Variants in LARGE2 observed in about 807,000 individuals in gnomAD.
The protein encoded by LARGE2 is xylosyl- and glucuronyltransferase LARGE2.
LARGE2 carries 63 observed loss-of-function variants against 75.3 expected under a neutral mutation model. The ratio of observed to expected loss-of-function variants is 0.84; its 90% CI spans 0.68 to 1.03. The LOEUF (loss-of-function observed/expected upper bound fraction) is 1.03, where lower values mean the gene tolerates loss of function less well. Among genes scored for constraint, LARGE2 ranks in the 50% least tolerant of loss-of-function variants. The pLI is 0.00. For missense variants in LARGE2, 925 were observed against 980.6 expected (o/e 0.94, Z 0.76); for synonymous variants, 428 against 420.1 (o/e 1.02, Z -0.23).
chr11:45,924,830 TG>T lies in LARGE2; in HGVS notation c.713del (p.Gly238AlafsTer21). On this transcript the variant is annotated frameshift_variant, in exon 6 of 14. Coordinates refer to ENST00000401752, the MANE Select transcript of LARGE2 (RefSeq NM_001300721.2). LOFTEE classifies it high-confidence loss of function. ...GTGGAGAACCAGAGTGACTGGTACC[TG>T]GGCAACCTCTGGAAGAACCACAGGC... is the stretch of plus-strand genomic sequence containing the variant. ...GLVENQSDWY[L>X]GNLWKNHRPW... is the part of the protein sequence containing the mutation. 6.6e-7 allele frequency: 1 copy of T among 1,512,972 alleles called. No individual in the cohort carries two copies. Among genetic ancestry groups the T allele is most frequent in the South Asian group, 1.3e-5 (1 of 76,478 alleles). The allele number at this position is 1,512,972 out of a possible 1,614,324, so 93.7% of individuals were successfully genotyped here. A position where few individuals can be genotyped will look rare whatever the true frequency, so the allele number is the denominator to read the frequency against.
chr11:45,922,866 C>T lies in LARGE2; in HGVS notation c.-17C>T. 2 of 1,252,602 alleles carry T rather than the reference C, an allele frequency of 1.6e-6. No individual in the cohort carries two copies. The highest frequency in any genetic ancestry group is 6.5e-5 in the South Asian group (2 of 30,576). The allele number at this position is 1,252,602 out of a possible 1,614,324, so 77.6% of individuals were successfully genotyped here. The stretch of plus-strand genomic sequence containing the variant: ...GCCCCGGGTCGCGTCCCTCCCTGAG[C>T]GCCCCCGTCGGCGGCCATGCTGCCC... On this transcript the variant is annotated 5_prime_UTR_variant, in exon 2 of 14. Transcript: ENST00000401752.
chr11:45,927,526 C>T lies in LARGE2; in HGVS notation c.1537C>T (p.Leu513Phe). Reference sequence around the variant, plus strand: ...TCGCAACGTGGCCTTGGCCCAGGCCCTCACGCCTTACGTCTTCCTCAGTGA... The same window carrying T: ...TCGCAACGTGGCCTTGGCCCAGGCCTTCACGCCTTACGTCTTCCTCAGTGA... ...QLRNVALAQA[L>F]TPYVFLSDID... The change falls in exon 11 of 14, where the codon CTC becomes TTC. Residue 513 changes from leucine to phenylalanine, a missense_variant. Transcript: ENST00000401752. 3 of 1,614,192 alleles carry T rather than the reference C, an allele frequency of 1.9e-6. No homozygotes were observed. Among genetic ancestry groups the T allele is most frequent in the Non-Finnish European group, 2.5e-6 (3 of 1,180,036 alleles).
At chr11:45,928,136 T>G in intron 12 of LARGE2, 41 bp from the exon 13 acceptor site, 1 of 1,612,926 alleles carries the variant, frequency 6.2e-7, no homozygotes, top group Non-Finnish European at 8.5e-7. Flanking sequence ...ACCCACGAGC[T>G]CCTAGCCTCA....
Position 45,928,073 on chromosome 11 carries a change from G to C in LARGE2, c.1754+4G>C. ...CGGGCACTCTCTACACCTTCAGGTA[G>C]GAGAGGCTACTTCTCTGCCCACTCC... is the stretch of plus-strand genomic sequence containing the variant. On this transcript the variant is annotated splice_donor_region_variant and intron_variant, in intron 12 of 13. Coordinates refer to ENST00000401752, the MANE Select transcript of LARGE2 (RefSeq NM_001300721.2). 3 of 1,613,588 alleles carry C rather than the reference G, an allele frequency of 1.9e-6. No homozygotes were observed. The highest frequency in any genetic ancestry group is 2.5e-6 in the Non-Finnish European group (3 of 1,179,900).
Position 45,926,125 on chromosome 11 carries a change from C to T in LARGE2, c.856C>T (p.Leu286=), listed in dbSNP as rs372326775. ...RLTARRELLS[L]PATSLADQDI... Reference sequence around the variant, plus strand: ...GACAGCCAGGCGGGAGCTCCTTAGCCTGCCTGCCACCTCACTGGCTGACCA... The same window carrying T: ...GACAGCCAGGCGGGAGCTCCTTAGCTTGCCTGCCACCTCACTGGCTGACCA... Residue 286 remains leucine, a synonymous_variant, in exon 7 of 14, where the codon CTG becomes TTG. Coordinates refer to ENST00000401752, the MANE Select transcript of LARGE2 (RefSeq NM_001300721.2). 2 of 1,576,568 alleles carry T rather than the reference C, an allele frequency of 1.3e-6. No individual in the cohort carries two copies. The highest frequency in any genetic ancestry group is 4.7e-5 in the East Asian group (2 of 42,436).
rs747695475 is a variant in LARGE2, at chr11:45,924,795, G to A, written c.675G>A (p.Ala225=). The A allele has an allele frequency of 2.7e-5, 40 of 1,506,964 alleles. No homozygotes were observed. The highest frequency in any genetic ancestry group is 2.0e-4 in the Admixed American group (9 of 45,712). The allele number at this position is 1,506,964 out of a possible 1,614,324, so 93.3% of individuals were successfully genotyped here. Residue 225 remains alanine, a synonymous_variant, in exon 6 of 14, where the codon GCG becomes GCA. Coordinates refer to ENST00000401752, the MANE Select transcript of LARGE2 (RefSeq NM_001300721.2). The stretch of plus-strand genomic sequence containing the variant: ...GCCCTCCCCTCCCAGACACGCAGGC[G>A]ATCGGTCTTGTGGAGAACCAGAGTG... ...ALFAHFSDTQ[A]IGLVENQSDW...
At position 45,922,708 on chromosome 11, in the gene LARGE2, G is replaced by T. The variant is rs1238191406; in HGVS notation, c.-83G>T. ...CCGGCGGCTGCGAGCGCAGGGCCCA[G>T]CCCGGGAGCCGCTGGAGCAGGTGAG... On this transcript the variant is annotated 5_prime_UTR_variant, in exon 1 of 14. Transcript: ENST00000401752. The T allele has an allele frequency of 1.1e-5, 5 of 444,542 alleles. No individual in the cohort carries two copies. Among genetic ancestry groups the T allele is most frequent in the Non-Finnish European group, 1.8e-5 (5 of 277,670 alleles). 27.5% of individuals were successfully genotyped at this position (444,542 alleles called of 1,614,324 possible).
At chr11:45,924,367 A>C in intron 4 of LARGE2, 90 bp downstream of exon 4, 1 of 1,577,204 alleles carries the variant, frequency 6.3e-7, no homozygotes. Flanking sequence ...GAGAATCATC[A>C]GTCCCCCCTC....
Position 45,927,338 on chromosome 11 carries a change from G to A in LARGE2, c.1349G>A (p.Cys450Tyr), listed in dbSNP as rs78165365. ...AGGCTGCAGATGTTGGAAGCCCTGT[G>A]CAGGCACTGGCCTGGCCCCATGAGC... ...MDRLQMLEAL[C>Y]RHWPGPMSLA... The change falls in exon 11 of 14, where the codon TGC (cysteine) becomes TAC (tyrosine). Residue 450 changes from cysteine (C) to tyrosine (Y), a missense_variant. Physicochemically the swap from Cys to Tyr is radical, Grantham distance 194 (BLOSUM62 -2). Around this residue, in one of 3 missense-constraint regions of LARGE2, gnomAD observed 469 missense variants for 503.8 expected, o/e 0.93. Transcript: ENST00000401752. 222 of 1,613,544 alleles carry A rather than the reference G, an allele frequency of 1.4e-4. No homozygotes were observed. The African/African-American group carries it at 2.8e-3, about 20-fold the overall frequency.
chr11:45,928,206 CCA>C lies in LARGE2; in HGVS notation c.1787_1788del (p.Thr596ArgfsTer21). ...CACGAGTGGCCCCGAGGCCACGCAC[CCA>C]CAGACTATGCCCGCTGGCGGGAGGC... On this transcript the variant is annotated frameshift_variant, in exon 13 of 14. Coordinates refer to ENST00000401752, the MANE Select transcript of LARGE2 (RefSeq NM_001300721.2). LOFTEE classifies it high-confidence loss of function. 1 of 1,613,862 alleles carries C rather than the reference CCA, an allele frequency of 6.2e-7. No individual in the cohort carries two copies.
chr11:45,922,090 C>A (rs1457546518), upstream of LARGE2, among the ~76,000 whole-genome samples: 4 of 152,030 alleles, frequency 2.6e-5, no homozygotes, highest in African/African-American at 7.2e-5. Context: ...TGGGGCCCCT[C>A]GCCAGCTCCC....
At chr11:45,926,665 G>A in intron 9 of LARGE2, 46 bp from the exon 10 acceptor site, 1 of 1,612,216 alleles carries the variant, frequency 6.2e-7, no homozygotes, top group South Asian at 1.1e-5. Flanking sequence ...TGGGGGATGT[G>A]TTGTTCTGCC....
chr11:45,924,070 C>A (rs2134723713), intron 3 of LARGE2, 84 bp from the exon 4 acceptor site: 1 of 1,449,282 alleles, frequency 6.9e-7, no homozygotes, highest in South Asian at 1.2e-5. Flanking sequence ...GATGGCGCTT[C>A]CATCTCTGCG....
Position 45,928,977 on chromosome 11 carries a change from C to A in LARGE2, c.*132C>A. ...GGGCAGAGCATCTGTGGGGTGGGGT[C>A]TTCCCCTTGCTGCTATTGTATGGCT... On this transcript the variant is annotated 3_prime_UTR_variant, in exon 14 of 14. Coordinates refer to ENST00000401752, the MANE Select transcript of LARGE2 (RefSeq NM_001300721.2). The A allele has an allele frequency of 8.3e-7, 1 of 1,205,712 alleles. No homozygotes were observed. Among genetic ancestry groups the A allele is most frequent in the Non-Finnish European group, 1.2e-6 (1 of 866,992 alleles). The allele number at this position is 1,205,712 out of a possible 1,614,324, so 74.7% of individuals were successfully genotyped here. A position where few individuals can be genotyped will look rare whatever the true frequency, so the allele number is the denominator to read the frequency against.
At chr11:45,922,288 G>C (rs1013003601), upstream of LARGE2, among the ~76,000 whole-genome samples, 15 of 152,272 alleles carry the variant, frequency 9.9e-5, no homozygotes, top group African/African-American at 3.4e-4. Flanking sequence ...CCTGCATTCC[G>C]GCCCCCTCCT....
rs1248915400 is a variant in LARGE2, at chr11:45,923,113, G to A, written c.231G>A (p.Gly77=). Residue 77 remains glycine (G), a synonymous_variant, in exon 2 of 14, where the codon GGG becomes GGA. Transcript: ENST00000401752. Reference sequence around the variant, plus strand: ...ACGGAGACCCGGGGGCCGGCCCCGGGGACCACAACCGCTCCGACTGCGGCC... The same window carrying A: ...ACGGAGACCCGGGGGCCGGCCCCGGAGACCACAACCGCTCCGACTGCGGCC... ...ALDGDPGAGP[G]DHNRSDCGPQ... is the part of the protein sequence containing the mutation. 1 of 1,382,744 alleles carries A rather than the reference G, an allele frequency of 7.2e-7. No homozygotes were observed. Among genetic ancestry groups the A allele is most frequent in the South Asian group, 1.6e-5 (1 of 60,842 alleles). The allele number at this position is 1,382,744 out of a possible 1,614,324, so 85.7% of individuals were successfully genotyped here.
rs1565093836 is a variant in LARGE2, at chr11:45,926,435, G to A, written c.1009-7G>A. 1 of 1,614,042 alleles carries A rather than the reference G, an allele frequency of 6.2e-7. No homozygotes were observed. The highest frequency in any genetic ancestry group is 2.2e-5 in the East Asian group (1 of 44,892). On this transcript the variant is annotated splice_region_variant and splice_polypyrimidine_tract_variant and intron_variant, in intron 8 of 13. Transcript: ENST00000401752. ...TCCCATGGCCCCAACACCCTCCTGG[G>A]TCCCAGGTGATCCACTGGAACTCAC...
At position 45,923,054 on chromosome 11, in the gene LARGE2, C is replaced by G. The variant is rs1455743138; in HGVS notation, c.172C>G (p.Pro58Ala). 1 of 1,418,178 alleles carries G rather than the reference C, an allele frequency of 7.1e-7. No individual in the cohort carries two copies. Among genetic ancestry groups the G allele is most frequent in the East Asian group, 3.1e-5 (1 of 32,738 alleles). 87.8% of individuals were successfully genotyped at this position (1,418,178 alleles called of 1,614,324 possible). A position where few individuals can be genotyped will look rare whatever the true frequency, so the allele number is the denominator to read the frequency against. ...CGGCCCGCTCATGCCACGTGTCCCCCCAGACGGGAGGCTGCGGAGAGCCGC... is the reference window on the plus strand; with the variant it reads ...CGGCCCGCTCATGCCACGTGTCCCCGCAGACGGGAGGCTGCGGAGAGCCGC... ...FPGPLMPRVP[P>A]DGRLRRAAAL... Residue 58 changes from proline (P) to alanine (A), a missense_variant, in exon 2 of 14, where the codon CCA (proline) becomes GCA (alanine). Physicochemically the swap from Pro to Ala is conservative, Grantham distance 27 (BLOSUM62 -1). Around this residue, in one of 3 missense-constraint regions of LARGE2, gnomAD observed 453 missense variants for 460.2 expected, o/e 0.98. Coordinates refer to ENST00000401752, the MANE Select transcript of LARGE2 (RefSeq NM_001300721.2).
chr11:45,923,615 G>A, intron 3 of LARGE2, 60 bp downstream of exon 3: 1 of 1,458,266 alleles, frequency 6.9e-7, no homozygotes, highest in South Asian at 1.1e-5. Flanking sequence ...GCCCGGGACA[G>A]GCTGCTGGTC....
Sources: gnomAD v4.1 joint callset for allele counts (sites outside exome capture counted in the v4.1 genomes callset) on GRCh38, gnomAD v4.1.1 for gene constraint, gnomAD v4.1.1 regional missense constraint, MANE v1.5 for transcripts, NCBI Gene and HGNC (gene_info 2026-07-23, HGNC 2026-07-21) for gene names.